The following PEX5L variants were observed in gnomAD, a reference collection of about 807,000 sequenced individuals.
PEX5L encodes peroxisomal biogenesis factor 5 like.
PEX5L carries 30 observed loss-of-function variants against 84.0 expected under a neutral mutation model. That is an observed-to-expected ratio of 0.36 (90% CI 0.27 to 0.48). PEX5L has a LOEUF of 0.48. PEX5L is among the 20% of genes least tolerant of loss of function. PEX5L has a pLI of 0.99. For synonymous variants in PEX5L, 270 were observed against 283.1 expected (o/e 0.95, Z 0.46); for missense variants, 533 against 754.6 (o/e 0.71, Z 3.44).
intron 1 of PEX5L, among the ~76,000 whole-genome samples, chr3:180,010,330 T>C (rs1192951624): frequency 5.5e-5 from 8 of 146,080 alleles, no homozygotes; most frequent in Non-Finnish European, 1.2e-4. Flanking sequence ...CTCAAGCCAT[T>C]CTCCTGCCTT....
At chr3:179,840,313 T>C (rs1298229494) in intron 8 of PEX5L, among the ~76,000 whole-genome samples, 1 of 150,764 alleles carries the variant, frequency 6.6e-6, no homozygotes, top group Non-Finnish European at 1.5e-5. Flanking sequence ...CTTAGCCTCC[T>C]GAGTAGCTGG....
At position 179,986,433 on chromosome 3, in the gene PEX5L, C is replaced by T. The variant is rs1381050965; in HGVS notation, c.22-14768G>A. Among the ~76,000 whole-genome samples, 18 of 138,086 alleles carry T rather than the reference C, an allele frequency of 1.3e-4. 2 individuals are homozygous for T. The highest frequency in any genetic ancestry group is 4.1e-4 in the African/African-American group (15 of 36,842). The allele number at this position is 138,086 out of a possible 152,430, so 90.6% of individuals were successfully genotyped here. ...TTTTTTTTTTTTTGAGAGGGAGTCT[C>T]GCTCTGTCACCCAGGCTGGAGTGCA... is the stretch of plus-strand genomic sequence containing the variant. On this transcript the variant is annotated intron_variant, in intron 1 of 14. Transcript: ENST00000467460.
chr3:179,889,043 T>C (rs1252050732), intron 3 of PEX5L, among the ~76,000 whole-genome samples: 2 of 152,172 alleles, frequency 1.3e-5, no homozygotes, highest in Admixed American at 6.5e-5. Context: ...TCCTAAAGTG[T>C]TGAGATTACA....
At chr3:180,014,518 G>C (rs1318561913) in intron 1 of PEX5L, among the ~76,000 whole-genome samples, 1 of 151,802 alleles carries the variant, frequency 6.6e-6, no homozygotes, top group East Asian at 1.9e-4. Flanking sequence ...TTACAGGAAA[G>C]TAGGGCTATT....
chr3:180,010,246 C>CTTTTTTTTTTTTTTTTTTTTTTTTTT lies in PEX5L; in HGVS notation c.21+26332_21+26333insAAAAAAAAAAAAAAAAAAAAAAAAAA, dbSNP rs1178375452. ...AGGCGTGAGCCACTGCACCCGGCCT[C>CTTTTTTTTTTTTTTTTTTTTTTTTTT]TTTTTTTTTTTTTTTTTTTTCTGTA... On this transcript the variant is annotated intron_variant, in intron 1 of 14. Transcript: ENST00000467460. Among the ~76,000 whole-genome samples the CTTTTTTTTTTTTTTTTTTTTTTTTTT allele has an allele frequency of 2.0e-4, 21 of 105,152 alleles. 2 individuals are homozygous for CTTTTTTTTTTTTTTTTTTTTTTTTTT. Among genetic ancestry groups the CTTTTTTTTTTTTTTTTTTTTTTTTTT allele is most frequent in the Non-Finnish European group, 2.6e-4 (14 of 53,948 alleles). The allele number at this position is 105,152 out of a possible 152,430, so 69.0% of individuals were successfully genotyped here.
intron 2 of PEX5L, among the ~76,000 whole-genome samples, chr3:179,920,296 G>A (rs1270281390): frequency 6.6e-6 from 1 of 152,054 alleles, no homozygotes; most frequent in East Asian, 1.9e-4. Context: ...CTTTTTAGAG[G>A]GAAATATACT....
chr3:180,027,866 C>T (rs1303186596), intron 1 of PEX5L, among the ~76,000 whole-genome samples: 2 of 152,120 alleles, frequency 1.3e-5, no homozygotes, highest in Non-Finnish European at 2.9e-5. Context: ...ACACAATCTG[C>T]TTATTTTATA....
chr3:180,015,984 T>A (rs1265896415), intron 1 of PEX5L, among the ~76,000 whole-genome samples: 1 of 151,618 alleles, frequency 6.6e-6, no homozygotes, highest in Non-Finnish European at 1.5e-5. Flanking sequence ...GATATTTGGG[T>A]TTAAACTACA....
chr3:179,928,104 A>G (rs1246946835), intron 2 of PEX5L, among the ~76,000 whole-genome samples: 1 of 152,180 alleles, frequency 6.6e-6, no homozygotes, highest in African/African-American at 2.4e-5. Context: ...TCCAGGGACT[A>G]TCTGCCTGTT....
At chr3:179,879,261 TC>T (rs1428462544) in intron 5 of PEX5L, among the ~76,000 whole-genome samples, 1 of 152,178 alleles carries the variant, frequency 6.6e-6, no homozygotes, top group African/African-American at 2.4e-5. Flanking sequence ...AATTAAGCTG[TC>T]CTTTCTCAGA....
chr3:179,935,738 C>T (rs898879236), intron 2 of PEX5L, among the ~76,000 whole-genome samples: 44 of 152,032 alleles, frequency 2.9e-4, no homozygotes, highest in Non-Finnish European at 5.6e-4. Flanking sequence ...GCAGGTGGAA[C>T]TTTTAAGAGG....
At chr3:179,973,146 T>G in intron 1 of PEX5L, 1 of 1,260,976 alleles carries the variant, frequency 7.9e-7, no homozygotes, top group Non-Finnish European at 1.0e-6. Context: ...CAAATATTGA[T>G]CTGTATACGT....
chr3:179,860,421 C>A (rs1215129571), intron 7 of PEX5L, among the ~76,000 whole-genome samples: 1 of 152,208 alleles, frequency 6.6e-6, no homozygotes, highest in Non-Finnish European at 1.5e-5. Flanking sequence ...TGATGCTCAA[C>A]CCTGGCTTTC....
intron 14 of PEX5L, among the ~76,000 whole-genome samples, chr3:179,802,506 G>A (rs1719274787): frequency 7.3e-6 from 1 of 136,998 alleles, no homozygotes; most frequent in Non-Finnish European, 1.5e-5. Flanking sequence ...CTGCCCTCCA[G>A]CCTGGGCAAC....
chr3:179,824,107 T>C (rs2109009194), intron 8 of PEX5L, among the ~76,000 whole-genome samples: 1 of 152,270 alleles, frequency 6.6e-6, no homozygotes, highest in South Asian at 2.1e-4. Flanking sequence ...AGCAATTTAT[T>C]TTAGAACAGG....
At chr3:179,977,131 A>G (rs1365729332) in intron 1 of PEX5L, among the ~76,000 whole-genome samples, 1 of 152,194 alleles carries the variant, frequency 6.6e-6, no homozygotes, top group Non-Finnish European at 1.5e-5. Flanking sequence ...TATACTTGGG[A>G]GTGCTTTTTG....
chr3:179,872,570 G>C (rs1451176506), intron 7 of PEX5L, among the ~76,000 whole-genome samples: 2 of 152,192 alleles, frequency 1.3e-5, no homozygotes, highest in Non-Finnish European at 2.9e-5. Flanking sequence ...TGATGGGTAA[G>C]AGGAAGGACA....
intron 1 of PEX5L, among the ~76,000 whole-genome samples, chr3:180,005,045 T>A (rs1307110818): frequency 6.6e-6 from 1 of 152,174 alleles, no homozygotes; most frequent in East Asian, 1.9e-4. Flanking sequence ...GTGAACACTT[T>A]CTATTATTGT....
intron 5 of PEX5L, among the ~76,000 whole-genome samples, chr3:179,875,942 G>A (rs1372604748): frequency 1.3e-5 from 2 of 152,260 alleles, no homozygotes; most frequent in East Asian, 3.9e-4. Context: ...GAGCTTCAGT[G>A]TTAAAAGGAG....
Sources: allele counts gnomAD v4.1 joint callset (sites outside exome capture counted in the v4.1 genomes callset), GRCh38; gene constraint gnomAD v4.1.1; transcripts MANE v1.5; gene names NCBI Gene and HGNC (gene_info 2026-07-23, HGNC 2026-07-21).